PIK3R5: variants seen among roughly 807,000 people sequenced by gnomAD.
PIK3R5 encodes the protein phosphoinositide-3-kinase regulatory subunit 5, also known as phosphoinositide 3-kinase regulatory subunit 5.
In PIK3R5, 32 loss-of-function variants were observed where a neutral mutation model predicts 94.9. That is an observed-to-expected ratio of 0.34 (90% CI 0.25 to 0.45). The LOEUF (loss-of-function observed/expected upper bound fraction) is 0.45. Ranked by LOEUF, PIK3R5 falls within the 20% of genes least tolerant of loss-of-function variation. The pLI, the probability that PIK3R5 is intolerant of heterozygous loss-of-function variation, is 1.00. For missense variants in PIK3R5, 853 were observed against 1,144.6 expected (o/e 0.75, Z 3.68); for synonymous variants, 443 against 479.4 (o/e 0.92, Z 0.99).
chr17:8,942,496 G>C (rs2091199966), intron 1 of PIK3R5, among the ~76,000 whole-genome samples: 1 of 152,172 alleles, frequency 6.6e-6, no homozygotes, highest in African/African-American at 2.4e-5. Context: ...CCCTGACAGG[G>C]GCAGGTTCAA....
rs1318201970 is a variant in PIK3R5, at chr17:8,886,206, G to A, written c.2128+23C>T. 15 of 1,583,376 alleles carry A rather than the reference G, an allele frequency of 9.5e-6. No individual in the cohort carries two copies. In the East Asian group the frequency reaches 1.1e-4, roughly 12 times the overall value. The stretch of plus-strand genomic sequence containing the variant: ...CGTCCCAGGCCCCGCCTCACCGTCT[G>A]TCTCTGCTCAGGCAGTACCCACCTG... On this transcript the variant is annotated intron_variant, in intron 14 of 18. Coordinates refer to ENST00000447110, the MANE Select transcript of PIK3R5 (RefSeq NM_001142633.3).
intron 1 of PIK3R5, among the ~76,000 whole-genome samples, chr17:8,936,973 T>C (rs948892091): frequency 1.3e-5 from 2 of 152,206 alleles, no homozygotes; most frequent in Non-Finnish European, 2.9e-5. Flanking sequence ...TTGTATATAT[T>C]TTGTTAGATT....
intron 1 of PIK3R5, among the ~76,000 whole-genome samples, chr17:8,963,517 CTTCTTCTTCT>C (rs1248726145): frequency 2.3e-5 from 2 of 87,080 alleles, no homozygotes; most frequent in African/African-American, 6.5e-5. Context: ...TATTCTTCTT[CTTCTTCTTCT>C]TTTTTTTTTT....
At chr17:8,883,793 C>T (rs2089741639) in intron 15 of PIK3R5, among the ~76,000 whole-genome samples, 1 of 152,154 alleles carries the variant, frequency 6.6e-6, no homozygotes, top group African/African-American at 2.4e-5. Context: ...CTCCAGGGGG[C>T]CAGCAGGTCT....
At chr17:8,942,097 C>A (rs1057225663) in intron 1 of PIK3R5, among the ~76,000 whole-genome samples, 1 of 152,086 alleles carries the variant, frequency 6.6e-6, no homozygotes, top group African/African-American at 2.4e-5. Flanking sequence ...ACAACGGGGC[C>A]CTCATCTCCC....
At chr17:8,937,967 A>C (rs1458115049) in intron 1 of PIK3R5, among the ~76,000 whole-genome samples, 1 of 152,040 alleles carries the variant, frequency 6.6e-6, no homozygotes, top group Admixed American at 6.6e-5. Flanking sequence ...CTGCCACCAC[A>C]CCCAGCTAAT....
At chr17:8,947,690 T>C (rs897588586) in intron 1 of PIK3R5, among the ~76,000 whole-genome samples, 5 of 151,938 alleles carry the variant, frequency 3.3e-5, no homozygotes, top group African/African-American at 1.2e-4. Flanking sequence ...GGAATCAAGG[T>C]CCCCAAGTTA....
Position 8,888,870 on chromosome 17 carries a change from A to C in PIK3R5, c.917T>G (p.Leu306Arg). The C allele has an allele frequency of 6.2e-7, 1 of 1,601,130 alleles. No homozygotes were observed. The highest frequency in any genetic ancestry group is 8.5e-7 in the Non-Finnish European group (1 of 1,177,782). The change falls in exon 10 of 19, where the codon CTC becomes CGC. Residue 306 changes from leucine to arginine, a missense_variant. Transcript: ENST00000447110. This position sits in a 1 kb window ranked among gnomAD's most constrained non-coding sequence, Gnocchi z 7.8. Reference protein sequence around the residue: ...DSFDILQEILLKEQELLQPGI... With the variant: ...DSFDILQEILRKEQELLQPGI... Reference sequence around the variant, plus strand: ...TGGCTGGAGTAGCTCCTGTTCCTTGAGCAGGATTTCCTGCAGGATGTCTGC... The same window carrying C: ...TGGCTGGAGTAGCTCCTGTTCCTTGCGCAGGATTTCCTGCAGGATGTCTGC...
At position 8,880,507 on chromosome 17, in the gene PIK3R5, T is replaced by C; in HGVS notation, c.*132A>G. ...GAAACCCTCTACTCCCAGCCCCTGC[T>C]CATTGCAGGACCCACAGTGGGACTA... is the stretch of plus-strand genomic sequence containing the variant. On this transcript the variant is annotated 3_prime_UTR_variant, in exon 19 of 19. Transcript: ENST00000447110. 1.1e-6 allele frequency: 1 copy of C among 876,912 alleles called. No individual in the cohort carries two copies. Among genetic ancestry groups the C allele is most frequent in the African/African-American group, 1.7e-5 (1 of 58,976 alleles). The allele number at this position is 876,912 out of a possible 1,614,324, so 54.3% of individuals were successfully genotyped here.
At chr17:8,960,290 C>A (rs565108240) in intron 1 of PIK3R5, among the ~76,000 whole-genome samples, 93 of 152,350 alleles carry the variant, frequency 6.1e-4, no homozygotes, top group Middle Eastern at 6.8e-3. Flanking sequence ...TACTTTATAT[C>A]TTTCAAGTCT....
Position 8,921,176 on chromosome 17 carries a change from C to A in PIK3R5, c.-13-9669G>T, listed in dbSNP as rs565860477. Among the ~76,000 whole-genome samples the A allele has an allele frequency of 1.5e-3, 233 of 152,318 alleles. 1 individual carries two copies. The highest frequency in any genetic ancestry group is 5.1e-3 in the African/African-American group (211 of 41,568). The stretch of plus-strand genomic sequence containing the variant: ...ATTTTATACTACTTCATAGTTCTTT[C>A]AATGTTTTTGACATTTACATTAAAT... On this transcript the variant is annotated intron_variant, in intron 1 of 18. Transcript: ENST00000447110.
chr17:8,912,759 C>T (rs557280188), intron 1 of PIK3R5, among the ~76,000 whole-genome samples: 21 of 152,344 alleles, frequency 1.4e-4, no homozygotes, highest in African/African-American at 4.8e-4. Flanking sequence ...TTCAGCTGCG[C>T]GGCTAGAGTA....
intron 1 of PIK3R5, among the ~76,000 whole-genome samples, chr17:8,948,281 AAGG>A (rs1193059801): frequency 6.6e-6 from 1 of 152,058 alleles, no homozygotes; most frequent in East Asian, 1.9e-4. Context: ...TTACCATTGT[AAGG>A]AGAATGGTTA....
intron 5 of PIK3R5, among the ~76,000 whole-genome samples, chr17:8,897,663 G>T (rs2090182151): frequency 6.6e-6 from 1 of 152,152 alleles, no homozygotes. Flanking sequence ...GGGACACTGG[G>T]CATTGTACCC....
intron 1 of PIK3R5, among the ~76,000 whole-genome samples, chr17:8,918,387 G>T (rs2090669899): frequency 6.6e-6 from 1 of 152,176 alleles, no homozygotes; most frequent in African/African-American, 2.4e-5. Context: ...TAACCTGAAG[G>T]AGCTTCCAAT....
chr17:8,963,131 C>T (rs1442255689), intron 1 of PIK3R5, among the ~76,000 whole-genome samples: 1 of 152,080 alleles, frequency 6.6e-6, no homozygotes, highest in Non-Finnish European at 1.5e-5. Flanking sequence ...GCATGAACCA[C>T]TATGCCTGGC....
At chr17:8,942,402 C>G in intron 1 of PIK3R5, among the ~76,000 whole-genome samples, 1 of 152,118 alleles carries the variant, frequency 6.6e-6, no homozygotes, top group Non-Finnish European at 1.5e-5. Flanking sequence ...CAGCTCCTGC[C>G]CCCACTGCTG....
chr17:8,954,045 G>T (rs1012274770), intron 1 of PIK3R5, among the ~76,000 whole-genome samples: 1 of 150,406 alleles, frequency 6.6e-6, no homozygotes, highest in Non-Finnish European at 1.5e-5. Flanking sequence ...CCCAGAAAGT[G>T]CTCTTTCCTC....
chr17:8,890,649 C>G lies in PIK3R5; in HGVS notation c.657+89G>C. The G allele has an allele frequency of 5.0e-6, 6 of 1,194,112 alleles. No individual in the cohort carries two copies. The highest frequency in any genetic ancestry group is 7.0e-6 in the Non-Finnish European group (6 of 855,336). The allele number at this position is 1,194,112 out of a possible 1,614,324, so 74.0% of individuals were successfully genotyped here. ...CCTGGGTGCAGGAGACTAAGTGTACCCTGGAGACCGTGGCTGAGATGAAGC... is the reference window on the plus strand; with the variant it reads ...CCTGGGTGCAGGAGACTAAGTGTACGCTGGAGACCGTGGCTGAGATGAAGC... On this transcript the variant is annotated intron_variant, in intron 7 of 18. Coordinates refer to ENST00000447110, the MANE Select transcript of PIK3R5 (RefSeq NM_001142633.3). This position sits in a 1 kb window ranked among gnomAD's most constrained non-coding sequence, Gnocchi z 6.1.
Sources: gnomAD v4.1 joint callset for allele counts (sites outside exome capture counted in the v4.1 genomes callset) on GRCh38, gnomAD v4.1.1 for gene constraint, Gnocchi (gnomAD v3.1) non-coding constraint, MANE v1.5 for transcripts, NCBI Gene and HGNC (gene_info 2026-07-23, HGNC 2026-07-21) for gene names.